TEX26: variants seen among roughly 807,000 people sequenced by gnomAD.
TEX26 encodes testis-expressed protein 26.
TEX26 carries 34 observed loss-of-function variants against 35.3 expected under a neutral mutation model. That is an observed-to-expected ratio of 0.96 (90% CI 0.73 to 1.28). The LOEUF is 1.28. Among genes scored for constraint, TEX26 ranks in the 50% most tolerant of loss-of-function variants. The pLI, the probability that TEX26 is intolerant of heterozygous loss-of-function variation, is 0.00. For missense variants in TEX26, 371 were observed against 330.1 expected (o/e 1.12, Z -0.96); for synonymous variants, 136 against 111.8 (o/e 1.22, Z -1.36).
At chr13:30,934,862 T>C (rs545371399) in intron 1 of TEX26, among the ~76,000 whole-genome samples, 1 of 152,304 alleles carries the variant, frequency 6.6e-6, no homozygotes, top group Admixed American at 6.5e-5. Flanking sequence ...GGTCTGAGCC[T>C]CCCTGTGCCT....
At chr13:30,970,783 G>A (rs553312036) in intron 6 of TEX26, among the ~76,000 whole-genome samples, 8 of 152,280 alleles carry the variant, frequency 5.3e-5, no homozygotes, top group African/African-American at 1.9e-4. Context: ...GCGCCCCTGA[G>A]GGTGAACTAG....
chr13:30,962,829 GTT>G (rs66774469), intron 4 of TEX26, among the ~76,000 whole-genome samples: 16,449 of 148,174 alleles, frequency 0.11, 2,986 homozygotes, highest in African/African-American at 0.38. Flanking sequence ...TTTTGTTTTT[GTT>G]TTTTTTTTTG....
rs1953448086 is a variant in TEX26 at position 30,940,462 on chromosome 13, T to C, written c.146+684T>C. ...CATTCTCCTGCCTCAGCCTCCCGAG[T>C]AGCTGGGACTACAGGCGCCCGCCAC... On this transcript the variant is annotated intron_variant, in intron 2 of 6. Transcript: ENST00000380473. 2.0e-5 allele frequency among the ~76,000 whole-genome samples: 3 copies of C among 149,216 alleles called. No homozygotes were observed. The South Asian group carries it at 6.5e-4, about 32-fold the overall frequency.
chr13:30,951,518 TA>T (rs544858816), intron 2 of TEX26, among the ~76,000 whole-genome samples: 1 of 151,904 alleles, frequency 6.6e-6, no homozygotes. Flanking sequence ...AGCCCTTTTT[TA>T]AAAAAAAGTC....
rs139611028 is a variant in TEX26, at chr13:30,958,891, C to T, written c.469+1862C>T. Among the ~76,000 whole-genome samples the T allele has an allele frequency of 9.6e-4, 146 of 152,298 alleles. 1 individual carries two copies. The highest frequency in any genetic ancestry group is 3.4e-3 in the African/African-American group (140 of 41,574). On this transcript the variant is annotated intron_variant, in intron 4 of 6. Coordinates refer to ENST00000380473, the MANE Select transcript of TEX26 (RefSeq NM_152325.3). ...TTTCTCTGCTTCCCTTCATAAACAG[C>T]CAATGTTTACTAAGCCCTTAGCTTT...
intron 6 of TEX26, among the ~76,000 whole-genome samples, chr13:30,970,101 G>T (rs1888810): frequency 0.17 from 25,100 of 151,580 alleles, 2,388 homozygotes; most frequent in African/African-American, 0.27. Flanking sequence ...CTCGTTTTGG[G>T]GATCTCCTGC....
chr13:30,957,406 G>A (rs1404374066), intron 4 of TEX26, among the ~76,000 whole-genome samples: 1 of 152,186 alleles, frequency 6.6e-6, no homozygotes, highest in Non-Finnish European at 1.5e-5. Flanking sequence ...CAAGGGCAAA[G>A]GGAGGGTTGA....
chr13:30,966,087 C>A (rs906403693), intron 4 of TEX26, 135 bp from the exon 5 acceptor site: 4 of 888,620 alleles, frequency 4.5e-6, no homozygotes, highest in Non-Finnish European at 6.9e-6. Context: ...CTGTGACTGA[C>A]AAAGCAGAAA....
At chr13:30,944,650 T>C (rs1324161258) in intron 2 of TEX26, among the ~76,000 whole-genome samples, 1 of 152,044 alleles carries the variant, frequency 6.6e-6, no homozygotes. Context: ...GTTACTATTA[T>C]CATTTATTTT....
chr13:30,970,168 A>AGTGT (rs57600535), intron 6 of TEX26, among the ~76,000 whole-genome samples: 40 of 146,520 alleles, frequency 2.7e-4, no homozygotes, highest in African/African-American at 1.0e-3. Flanking sequence ...GGTGTGTGTG[A>AGTGT]GTGTGTGTGT....
At chr13:30,953,792 C>G (rs1954019268) in intron 3 of TEX26, among the ~76,000 whole-genome samples, 1 of 152,198 alleles carries the variant, frequency 6.6e-6, no homozygotes, top group South Asian at 2.1e-4. Context: ...TCTCCCATCA[C>G]AAAAGGTAAT....
Position 30,934,303 on chromosome 13 carries a change from A to G in TEX26, c.61+1527A>G, listed in dbSNP as rs573597332. 9.9e-5 allele frequency among the ~76,000 whole-genome samples: 15 copies of G among 152,182 alleles called. No individual in the cohort carries two copies. The South Asian group carries it at 1.9e-3, about 19-fold the overall frequency. ...CCACTTCATTCCCCACTGCTGGGAG[A>G]GTCACCCTCCAAATGGTAGGCTTGA... On this transcript the variant is annotated intron_variant, in intron 1 of 6. Transcript: ENST00000380473.
At chr13:30,955,673 T>G (rs758912714) in intron 3 of TEX26, among the ~76,000 whole-genome samples, 2 of 152,338 alleles carry the variant, frequency 1.3e-5, no homozygotes, top group Admixed American at 6.5e-5. Context: ...ATAAACGCAT[T>G]CTTTGATACA....
intron 4 of TEX26, among the ~76,000 whole-genome samples, chr13:30,958,963 G>A (rs1006134793): frequency 2.0e-5 from 3 of 151,950 alleles, no homozygotes; most frequent in Admixed American, 6.5e-5. Context: ...AGTTATTACC[G>A]CCAATCAAAG....
chr13:30,960,527 G>A (rs1954297681), intron 4 of TEX26, among the ~76,000 whole-genome samples: 1 of 152,156 alleles, frequency 6.6e-6, no homozygotes, highest in African/African-American at 2.4e-5. Flanking sequence ...TTACAGATAT[G>A]AGCCACCATG....
chr13:30,946,088 A>G (rs190298497), intron 2 of TEX26, among the ~76,000 whole-genome samples: 9 of 152,018 alleles, frequency 5.9e-5, no homozygotes, highest in Admixed American at 1.3e-4. Context: ...CAGAACACCA[A>G]TTATTCTTAG....
chr13:30,942,298 T>C (rs1019693932), intron 2 of TEX26, among the ~76,000 whole-genome samples: 2 of 152,180 alleles, frequency 1.3e-5, no homozygotes, highest in East Asian at 1.9e-4. Context: ...GTTTTTCATA[T>C]GTTTTTGGCC....
chr13:30,972,735 A>G (rs1385752869), intron 6 of TEX26, among the ~76,000 whole-genome samples: 1 of 152,232 alleles, frequency 6.6e-6, no homozygotes, highest in East Asian at 1.9e-4. Context: ...TGAGGATTCA[A>G]GCAATTCTCA....
At chr13:30,974,481 G>A (rs73455631) in intron 6 of TEX26, among the ~76,000 whole-genome samples, 3,260 of 152,180 alleles carry the variant, frequency 0.021, 119 homozygotes, top group African/African-American at 0.074. Flanking sequence ...CTATTCCAAC[G>A]TCTGTGCACA....
Sources: allele counts gnomAD v4.1 joint callset (sites outside exome capture counted in the v4.1 genomes callset), GRCh38; gene constraint gnomAD v4.1.1; transcripts MANE v1.5; gene names NCBI Gene and HGNC (gene_info 2026-07-23, HGNC 2026-07-21).